SLC35F1: variants seen among roughly 807,000 people sequenced by gnomAD.
SLC35F1 encodes the protein chromosome 6 open reading frame 169.
A neutral mutation model predicts 48.7 loss-of-function variants in SLC35F1; 14 were observed. The ratio of observed to expected loss-of-function variants is 0.29; its 90% confidence interval spans 0.19 to 0.45. The LOEUF is 0.45. Ranked by LOEUF, SLC35F1 falls within the 20% of genes least tolerant of loss-of-function variation. The pLI is 1.00. For synonymous variants in SLC35F1, 190 were observed against 202.2 expected, an observed-to-expected ratio of 0.94 and a Z score of 0.51; for missense variants, 404 against 500.0, an observed-to-expected ratio of 0.81 and a Z score of 1.83.
At chr6:118,214,834 G>C (rs1775051362) in intron 2 of SLC35F1, among the ~76,000 whole-genome samples, 2 of 152,126 alleles carry the variant, frequency 1.3e-5, no homozygotes, top group Admixed American at 1.3e-4. Context: ...GACAAAAAAT[G>C]GTAGGCCATG....
At chr6:117,933,298 C>G (rs78342174) in intron 1 of SLC35F1, among the ~76,000 whole-genome samples, 1 of 152,136 alleles carries the variant, frequency 6.6e-6, no homozygotes, top group Non-Finnish European at 1.5e-5. Flanking sequence ...TTTGCTGCCT[C>G]CTGACAAAAG....
intron 2 of SLC35F1, among the ~76,000 whole-genome samples, chr6:118,181,468 T>A (rs999888093): frequency 5.9e-5 from 9 of 152,020 alleles, no homozygotes; most frequent in African/African-American, 1.9e-4. Context: ...TAAAACCTAT[T>A]AGAGGGAAGA....
intron 1 of SLC35F1, among the ~76,000 whole-genome samples, chr6:118,056,644 A>G (rs1001742179): frequency 1.3e-5 from 2 of 152,248 alleles, no homozygotes; most frequent in African/African-American, 4.8e-5. Flanking sequence ...CAACTCTATC[A>G]TAATAAATGG....
intron 1 of SLC35F1, among the ~76,000 whole-genome samples, chr6:118,112,145 T>TC (rs1773416318): frequency 1.4e-5 from 2 of 142,494 alleles, no homozygotes; most frequent in African/African-American, 5.2e-5. Context: ...TCTTTTCTTT[T>TC]TTGAGACGGT....
intron 1 of SLC35F1, among the ~76,000 whole-genome samples, chr6:117,960,174 A>C (rs991098816): frequency 6.6e-6 from 1 of 151,918 alleles, no homozygotes; most frequent in African/African-American, 2.4e-5. Flanking sequence ...AGGGGTTGAC[A>C]AATATTACAA....
At chr6:118,200,205 T>TACAC (rs1774856223) in intron 2 of SLC35F1, among the ~76,000 whole-genome samples, 1 of 149,496 alleles carries the variant, frequency 6.7e-6, no homozygotes. Context: ...CATACATACA[T>TACAC]AGCAAACCAG....
chr6:118,135,979 C>T (rs1402819218), intron 1 of SLC35F1, among the ~76,000 whole-genome samples: 1 of 152,138 alleles, frequency 6.6e-6, no homozygotes, highest in Non-Finnish European at 1.5e-5. Context: ...TGCACTGGGC[C>T]TGCGAGAAGA....
chr6:118,180,613 A>G (rs532146082), intron 2 of SLC35F1, among the ~76,000 whole-genome samples: 2 of 152,132 alleles, frequency 1.3e-5, no homozygotes, highest in East Asian at 3.8e-4. Context: ...TCTACTAAAG[A>G]GAGAATTAGC....
intron 1 of SLC35F1, among the ~76,000 whole-genome samples, chr6:118,119,479 G>A (rs958237876): frequency 6.9e-6 from 1 of 144,742 alleles, no homozygotes; most frequent in Non-Finnish European, 1.5e-5. Context: ...TTTACATGAT[G>A]CAGTAATAAC....
chr6:118,270,474 A>G (rs866779860), intron 4 of SLC35F1, among the ~76,000 whole-genome samples: 5 of 152,210 alleles, frequency 3.3e-5, no homozygotes, highest in Middle Eastern at 3.2e-3. Flanking sequence ...TGCCTTAGAG[A>G]CTATAGAGTG....
At chr6:118,143,609 G>A (rs977578952) in intron 1 of SLC35F1, among the ~76,000 whole-genome samples, 1 of 152,174 alleles carries the variant, frequency 6.6e-6, no homozygotes, top group Non-Finnish European at 1.5e-5. Context: ...AAAGAATGCT[G>A]AGATGCATGT....
At chr6:118,202,786 G>A (rs1774888046) in intron 2 of SLC35F1, among the ~76,000 whole-genome samples, 1 of 152,218 alleles carries the variant, frequency 6.6e-6, no homozygotes, top group Admixed American at 6.5e-5. Context: ...CTGAGTGACA[G>A]AGAGTAGCTG....
intron 1 of SLC35F1, among the ~76,000 whole-genome samples, chr6:118,064,052 C>T (rs1772579714): frequency 6.6e-6 from 1 of 152,158 alleles, no homozygotes; most frequent in Non-Finnish European, 1.5e-5. Context: ...AACAGTTTCA[C>T]ATGGCTGGGG....
chr6:118,189,590 A>G (rs1774705828), intron 2 of SLC35F1, among the ~76,000 whole-genome samples: 1 of 152,200 alleles, frequency 6.6e-6, no homozygotes, highest in African/African-American at 2.4e-5. Flanking sequence ...TGTTGATTGT[A>G]TACTTTGCTA....
intron 1 of SLC35F1, among the ~76,000 whole-genome samples, chr6:118,040,656 A>T (rs1172417567): frequency 6.6e-6 from 1 of 151,944 alleles, no homozygotes; most frequent in African/African-American, 2.4e-5. Flanking sequence ...GGGTGGAGGG[A>T]CATTAAAGGT....
chr6:118,267,209 A>G (rs1236679503), intron 4 of SLC35F1, 55 bp downstream of exon 4: 1 of 1,596,098 alleles, frequency 6.3e-7, no homozygotes, highest in East Asian at 2.2e-5. Flanking sequence ...GGCCAAGGCA[A>G]GAAATGGAAT....
chr6:118,302,820 T>A (rs1409679170), intron 7 of SLC35F1, among the ~76,000 whole-genome samples: 2 of 152,164 alleles, frequency 1.3e-5, no homozygotes, highest in Non-Finnish European at 2.9e-5. Context: ...TATACAGTAC[T>A]GTGAAAATTC....
intron 7 of SLC35F1, 136 bp from the exon 8 acceptor site, chr6:118,313,892 C>T (rs1582784451): frequency 2.7e-6 from 2 of 732,246 alleles, no homozygotes; most frequent in Non-Finnish European, 4.6e-6. Flanking sequence ...ATTCATTCTC[C>T]ATCAACGGTG....
chr6:118,082,246 A>G (rs926864178), intron 1 of SLC35F1, among the ~76,000 whole-genome samples: 1 of 152,202 alleles, frequency 6.6e-6, no homozygotes, highest in Non-Finnish European at 1.5e-5. Context: ...CAGGTGAAAC[A>G]CTGATCTAAA....
Sources: gnomAD v4.1 joint callset for allele counts (sites outside exome capture counted in the v4.1 genomes callset) on GRCh38, gnomAD v4.1.1 for gene constraint, MANE v1.5 for transcripts, NCBI Gene and HGNC (gene_info 2026-07-23, HGNC 2026-07-21) for gene names.